Variants in CLEC2D observed in about 807,000 individuals in gnomAD.
CLEC2D encodes the protein C-type lectin related f.
In CLEC2D, 16 loss-of-function variants were observed where a neutral mutation model predicts 20.0. The ratio of observed to expected loss-of-function variants is 0.80; its 90% CI spans 0.54 to 1.22. CLEC2D has a LOEUF of 1.22. Among genes scored for constraint, CLEC2D ranks in the 50% most tolerant of loss-of-function variants. The pLI is 0.00. For synonymous variants in CLEC2D, 77 were observed against 71.1 expected (o/e 1.08, Z -0.42); for missense variants, 207 against 221.5 (o/e 0.93, Z 0.42).
chr12:9,689,926 A>G (rs1334226251), intron 3 of CLEC2D, among the ~76,000 whole-genome samples: 4 of 152,270 alleles, frequency 2.6e-5, no homozygotes, highest in African/African-American at 7.2e-5. Flanking sequence ...GAGAAGAGAA[A>G]GAGAAGCAGA....
intron 1 of CLEC2D, among the ~76,000 whole-genome samples, chr12:9,673,349 G>A (rs1865459895): frequency 6.6e-6 from 1 of 152,242 alleles, no homozygotes; most frequent in African/African-American, 2.4e-5. Context: ...AGTTTGCTGG[G>A]GATCCACTCC....
intron 1 of CLEC2D, among the ~76,000 whole-genome samples, chr12:9,675,483 C>T (rs762669849): frequency 2.0e-5 from 3 of 152,178 alleles, no homozygotes; most frequent in East Asian, 3.8e-4. Flanking sequence ...CGTGAGCCAC[C>T]GCGCCCAGCC....
At chr12:9,694,466 A>G (rs2120986814) in intron 4 of CLEC2D, among the ~76,000 whole-genome samples, 1 of 152,328 alleles carries the variant, frequency 6.6e-6, no homozygotes, top group Admixed American at 6.5e-5. Flanking sequence ...TGTGTAAAGA[A>G]AACGTGTCAG....
chr12:9,694,193 ATAT>A (rs1327337867), intron 4 of CLEC2D, among the ~76,000 whole-genome samples: 1 of 152,018 alleles, frequency 6.6e-6, no homozygotes, highest in East Asian at 1.9e-4. Flanking sequence ...GAAATGTAAA[ATAT>A]TATATGATTA....
intron 1 of CLEC2D, among the ~76,000 whole-genome samples, chr12:9,677,606 A>C (rs768937831): frequency 1.8e-4 from 27 of 151,318 alleles, no homozygotes; most frequent in African/African-American, 6.3e-4. Flanking sequence ...TTGACAAAGT[A>C]GTCTATAGAT....
chr12:9,691,663 C>G (rs1865866168), intron 3 of CLEC2D, among the ~76,000 whole-genome samples: 1 of 151,976 alleles, frequency 6.6e-6, no homozygotes, highest in South Asian at 2.1e-4. Flanking sequence ...AGCCATTGGT[C>G]AAAGAAGAAA....
intron 1 of CLEC2D, among the ~76,000 whole-genome samples, chr12:9,672,829 A>G (rs1865451145): frequency 6.6e-6 from 1 of 151,410 alleles, no homozygotes; most frequent in Non-Finnish European, 1.5e-5. Context: ...AAGCTCTGAT[A>G]TTTTCTCTTC....
intron 1 of CLEC2D, among the ~76,000 whole-genome samples, chr12:9,677,717 T>C (rs1468644209): frequency 6.7e-5 from 10 of 150,178 alleles, no homozygotes; most frequent in Admixed American, 4.0e-4. Context: ...CTTTTTTTTT[T>C]TTTTTTTTTT....
chr12:9,696,839 G>A lies in CLEC2D; in HGVS notation c.*1965G>A, dbSNP rs755628437. 1 of 152,152 alleles carries A rather than the reference G, an allele frequency of 6.6e-6. No individual in the cohort carries two copies. The highest frequency in any genetic ancestry group is 2.4e-5 in the African/African-American group (1 of 41,516). 9.4% of individuals were successfully genotyped at this position (152,152 alleles called of 1,614,324 possible). On this transcript the variant is annotated 3_prime_UTR_variant, in exon 5 of 5. Coordinates refer to ENST00000290855, the MANE Select transcript of CLEC2D (RefSeq NM_013269.6). ...AATTAAAAAGAGAACTACCATATGA[G>A]CCAGCAATCCCTTTTCCAGATATAC...
chr12:9,692,566 G>C (rs908001339), intron 3 of CLEC2D, among the ~76,000 whole-genome samples: 1 of 152,136 alleles, frequency 6.6e-6, no homozygotes, highest in Non-Finnish European at 1.5e-5. Flanking sequence ...TAGTATAATA[G>C]ATAAATTGGA....
Position 9,695,691 on chromosome 12 carries a change from G to A in CLEC2D, c.*817G>A. 1 of 1,572,198 alleles carries A rather than the reference G, an allele frequency of 6.4e-7. No homozygotes were observed. Among genetic ancestry groups the A allele is most frequent in the Non-Finnish European group, 8.7e-7 (1 of 1,152,192 alleles). On this transcript the variant is annotated 3_prime_UTR_variant, in exon 5 of 5. Coordinates refer to ENST00000290855, the MANE Select transcript of CLEC2D (RefSeq NM_013269.6). Reference sequence around the variant, plus strand: ...CACCACCAGTGGACTTAAGGTTGAAGTGTGGTTCAGGGCCAGTGCATATTA... The same window carrying A: ...CACCACCAGTGGACTTAAGGTTGAAATGTGGTTCAGGGCCAGTGCATATTA...
At position 9,697,309 on chromosome 12, in the gene CLEC2D, G is replaced by A. The variant is rs760343566; in HGVS notation, c.*2435G>A. On this transcript the variant is annotated 3_prime_UTR_variant, in exon 5 of 5. Coordinates refer to ENST00000290855, the MANE Select transcript of CLEC2D (RefSeq NM_013269.6). ...TTAAGCTACAAACAATAGCATGAGC[G>A]ATCTGTGCCTTAAGGACATGTTCCT... 5 of 152,158 alleles carry A rather than the reference G, an allele frequency of 3.3e-5. No individual in the cohort carries two copies. Among genetic ancestry groups the A allele is most frequent in the South Asian group, 4.1e-4 (2 of 4,828 alleles). The allele number at this position is 152,158 out of a possible 1,614,324, so 9.4% of individuals were successfully genotyped here.
intron 1 of CLEC2D, among the ~76,000 whole-genome samples, chr12:9,672,177 AAGAG>A (rs3052484): frequency 0.94 from 142,698 of 152,006 alleles, 67,376 homozygotes; most frequent in East Asian, 1. Context: ...ATGCATAAGA[AAGAG>A]AGAGAGCAAG....
chr12:9,694,985 C>A lies in CLEC2D; in HGVS notation c.*111C>A. ...ATACCAACAGGTATATGAAAATATG[C>A]TCAATATCACTAATAACTGGGAAAA... On this transcript the variant is annotated 3_prime_UTR_variant, in exon 5 of 5. Coordinates refer to ENST00000290855, the MANE Select transcript of CLEC2D (RefSeq NM_013269.6). The A allele has an allele frequency of 1.6e-6, 1 of 633,916 alleles. No individual in the cohort carries two copies. 39.3% of individuals were successfully genotyped at this position (633,916 alleles called of 1,614,324 possible).
chr12:9,683,410 C>G (rs1364154984), intron 2 of CLEC2D, among the ~76,000 whole-genome samples: 2 of 130,222 alleles, frequency 1.5e-5, no homozygotes, highest in Non-Finnish European at 3.1e-5. Context: ...GCTTTTGTTG[C>G]AATTGCTTTT....
chr12:9,690,525 A>G (rs1265504302), intron 3 of CLEC2D, among the ~76,000 whole-genome samples: 1 of 152,032 alleles, frequency 6.6e-6, no homozygotes, highest in East Asian at 1.9e-4. Flanking sequence ...TTCTATATTT[A>G]TATTTATCTA....
intron 2 of CLEC2D, among the ~76,000 whole-genome samples, chr12:9,687,487 C>G (rs1422513495): frequency 6.6e-6 from 1 of 152,220 alleles, no homozygotes; most frequent in Non-Finnish European, 1.5e-5. Context: ...CCTGACTCAT[C>G]CATGGACCAG....
At chr12:9,688,762 A>G (rs1304396359) in intron 3 of CLEC2D, among the ~76,000 whole-genome samples, 1 of 152,322 alleles carries the variant, frequency 6.6e-6, no homozygotes, top group East Asian at 1.9e-4. Context: ...GAATGATGTC[A>G]TAGAGGTTGG....
intron 1 of CLEC2D, among the ~76,000 whole-genome samples, chr12:9,677,372 G>T (rs1490909997): frequency 6.6e-6 from 1 of 152,086 alleles, no homozygotes; most frequent in Non-Finnish European, 1.5e-5. Context: ...TGACCCATAT[G>T]TTGTTTAGAA....
Sources: allele counts gnomAD v4.1 joint callset (sites outside exome capture counted in the v4.1 genomes callset), GRCh38; gene constraint gnomAD v4.1.1; transcripts MANE v1.5; gene names NCBI Gene and HGNC (gene_info 2026-07-23, HGNC 2026-07-21).